Variants in SGCD observed in about 807,000 individuals in gnomAD.
The protein encoded by SGCD is sarcoglycan delta, also known as delta-sarcoglycan.
Under a neutral mutation model 36.6 loss-of-function variants are expected in SGCD, and 18 were observed. The observed-to-expected ratio is 0.49, with a 90% CI of 0.34 to 0.73. The LOEUF (loss-of-function observed/expected upper bound fraction) is 0.73, where lower values mean the gene tolerates loss of function less well. SGCD is among the 30% of genes least tolerant of loss of function. SGCD has a pLI of 0.01. For missense variants in SGCD, 387 were observed against 346.7 expected (o/e 1.12, Z -0.92); for synonymous variants, 133 against 130.6 (o/e 1.02, Z -0.12).
At chr5:155,962,778 A>G (rs1757817766) in intron 1 of SGCD, among the ~76,000 whole-genome samples, 1 of 152,128 alleles carries the variant, frequency 6.6e-6, no homozygotes. Context: ...AAAGGAACAG[A>G]AAATGTGGTC....
chr5:156,463,882 G>A lies in SGCD; in HGVS notation c.193-44719G>A, dbSNP rs1369634500. 4.6e-5 allele frequency among the ~76,000 whole-genome samples: 7 copies of A among 152,162 alleles called. No individual in the cohort carries two copies. In the East Asian group the frequency reaches 9.7e-4, roughly 21 times the overall value. On this transcript the variant is annotated intron_variant, in intron 3 of 8. Coordinates refer to ENST00000337851, the MANE Select transcript of SGCD (RefSeq NM_000337.6). The stretch of plus-strand genomic sequence containing the variant: ...TGGACAGGAGGATTGCTTTAGCCCA[G>A]GAGGTTGAGGCTATAGTGAGCCATG...
At chr5:156,609,414 G>T (rs1411545022) in intron 6 of SGCD, among the ~76,000 whole-genome samples, 1 of 152,168 alleles carries the variant, frequency 6.6e-6, no homozygotes, top group African/African-American at 2.4e-5. Context: ...CGAGAGATCG[G>T]CTGTTAGTCT....
chr5:156,426,125 G>A (rs1376095827), intron 3 of SGCD, among the ~76,000 whole-genome samples: 1 of 152,014 alleles, frequency 6.6e-6, no homozygotes, highest in Non-Finnish European at 1.5e-5. Flanking sequence ...AGTTCTTTAA[G>A]GAATCTTCAT....
intron 1 of SGCD, among the ~76,000 whole-genome samples, chr5:155,891,621 G>T (rs2113317631): frequency 9.2e-6 from 1 of 108,906 alleles, no homozygotes; most frequent in African/African-American, 3.6e-5. Context: ...TTAGAAAATA[G>T]AAATGAAAAC....
intron 3 of SGCD, among the ~76,000 whole-genome samples, chr5:156,447,844 T>C (rs1753811454): frequency 6.6e-6 from 1 of 152,156 alleles, no homozygotes; most frequent in South Asian, 2.1e-4. Flanking sequence ...TGTTACTGAG[T>C]ACTTACCATA....
At chr5:156,342,038 T>G (rs984141035) in intron 2 of SGCD, among the ~76,000 whole-genome samples, 1 of 152,168 alleles carries the variant, frequency 6.6e-6, no homozygotes, top group Non-Finnish European at 1.5e-5. Context: ...AACAGCTCCA[T>G]CAGTAACTCT....
intron 3 of SGCD, among the ~76,000 whole-genome samples, chr5:156,394,338 A>T (rs1399306719): frequency 1.3e-5 from 2 of 152,226 alleles, no homozygotes; most frequent in African/African-American, 4.8e-5. Context: ...CTTTGAACAT[A>T]ATAGCTCCAA....
chr5:156,374,858 C>T (rs1770574477), intron 3 of SGCD, among the ~76,000 whole-genome samples: 1 of 152,192 alleles, frequency 6.6e-6, no homozygotes, highest in South Asian at 2.1e-4. Context: ...AGTCAAAGCT[C>T]GCAGTCTCGC....
intron 1 of SGCD, among the ~76,000 whole-genome samples, chr5:156,026,922 GA>G (rs200928101): frequency 5.3e-5 from 8 of 151,826 alleles, no homozygotes; most frequent in Admixed American, 4.6e-4. Flanking sequence ...CAAAAATGAT[GA>G]AAAAAAATAT....
At chr5:156,010,549 T>G (rs1235315506) in intron 1 of SGCD, among the ~76,000 whole-genome samples, 1 of 152,220 alleles carries the variant, frequency 6.6e-6, no homozygotes, top group Non-Finnish European at 1.5e-5. Context: ...GGTTTCTAGG[T>G]AATTACAGTA....
At chr5:156,472,430 C>G (rs1432054540) in intron 3 of SGCD, among the ~76,000 whole-genome samples, 1 of 151,518 alleles carries the variant, frequency 6.6e-6, no homozygotes, top group African/African-American at 2.4e-5. Flanking sequence ...ATTTTTTTTT[C>G]TTTTCGAGGC....
chr5:156,084,333 G>C (rs186305162), intron 1 of SGCD, among the ~76,000 whole-genome samples: 5 of 152,236 alleles, frequency 3.3e-5, no homozygotes, highest in African/African-American at 1.2e-4. Context: ...TTATGCCACA[G>C]TATTTCATTT....
In SGCD at chr5:156,623,359, A is replaced by C. The variant is rs534717422; in HGVS notation, c.503-24105A>C. On this transcript the variant is annotated intron_variant, in intron 6 of 8. Transcript: ENST00000337851. ...AGCCAGGGATGGGTTGGACAGATCC[A>C]GAATCATGAGCCCAAATACATCCTT... Among the ~76,000 whole-genome samples, 23 of 152,354 alleles carry C rather than the reference A, an allele frequency of 1.5e-4. 1 individual carries two copies. The South Asian group carries it at 4.6e-3, about 30-fold the overall frequency.
chr5:155,738,795 T>G, the SGCD span, among the ~76,000 whole-genome samples: 2 of 146,294 alleles, frequency 1.4e-5, no homozygotes, highest in Admixed American at 1.4e-4. Flanking sequence ...TGAGTGTGCA[T>G]GTAGTGTGTG....
At chr5:156,247,659 C>T (rs191029266) in intron 3 of SGCD, among the ~76,000 whole-genome samples, 1 of 152,320 alleles carries the variant, frequency 6.6e-6, no homozygotes, top group African/African-American at 2.4e-5. Flanking sequence ...CTAAGATAGA[C>T]AACTTGGTAG....
In SGCD at chr5:156,004,799, C is replaced by T. The variant is rs141133987; in HGVS notation, c.-281-113079C>T. Reference sequence around the variant, plus strand: ...CCTACCCTTTAAATAAATAAACACACGCATTCTTGGCTCTAGCCAAACTGA... The same window carrying T: ...CCTACCCTTTAAATAAATAAACACATGCATTCTTGGCTCTAGCCAAACTGA... On this transcript the variant is annotated intron_variant, in intron 1 of 9. Coordinates refer to the SGCD transcript ENST00000517913. Among the ~76,000 whole-genome samples the T allele has an allele frequency of 1.9e-3, 287 of 152,342 alleles. 3 individuals are homozygous for T. Among genetic ancestry groups the T allele is most frequent in the African/African-American group, 6.5e-3 (270 of 41,578 alleles).
chr5:156,585,238 C>A (rs1297197529), intron 4 of SGCD, among the ~76,000 whole-genome samples: 1 of 152,044 alleles, frequency 6.6e-6, no homozygotes, highest in South Asian at 2.1e-4. Flanking sequence ...TAGAAATCTA[C>A]CCAAGCATAT....
intron 1 of SGCD, among the ~76,000 whole-genome samples, chr5:156,067,733 C>G (rs1760368835): frequency 7.5e-6 from 1 of 133,182 alleles, no homozygotes; most frequent in South Asian, 2.2e-4. Context: ...CTTTCTTTGA[C>G]TCGGAAAGGG....
intron 3 of SGCD, among the ~76,000 whole-genome samples, chr5:156,448,764 CAG>C (rs1753861987): frequency 1.5e-5 from 1 of 66,444 alleles, no homozygotes; most frequent in Non-Finnish European, 2.6e-5. Context: ...TTTTTTGAGA[CAG>C]AGTCTTGCTT....
Sources: allele counts gnomAD v4.1 joint callset (sites outside exome capture counted in the v4.1 genomes callset), GRCh38; gene constraint gnomAD v4.1.1; transcripts MANE v1.5; gene names NCBI Gene and HGNC (gene_info 2026-07-23, HGNC 2026-07-21).